The following NTM variants were observed in gnomAD, a reference collection of about 807,000 sequenced individuals.
NTM encodes neurotrimin, also known as IgLON family member 2.
Under a neutral mutation model 42.1 loss-of-function variants are expected in NTM, and 13 were observed. The ratio of observed to expected loss-of-function variants is 0.31; its 90% confidence interval spans 0.20 to 0.49. NTM has a LOEUF of 0.49. Ranked by LOEUF, NTM falls within the 20% of genes least tolerant of loss-of-function variation. The pLI, the probability that NTM is intolerant of heterozygous loss-of-function variation, is 0.99. For missense variants in NTM, 373 were observed against 452.8 expected (o/e 0.82, Z 1.60); for synonymous variants, 187 against 179.2 (o/e 1.04, Z -0.35).
intron 2 of NTM, among the ~76,000 whole-genome samples, chr11:131,945,279 A>C (rs560346149): frequency 6.6e-6 from 1 of 152,310 alleles, no homozygotes; most frequent in East Asian, 1.9e-4. Context: ...GTAGCACTTA[A>C]CGGTGCATTC....
At chr11:132,019,046 T>C (rs369094274) in intron 2 of NTM, among the ~76,000 whole-genome samples, 1 of 151,958 alleles carries the variant, frequency 6.6e-6, no homozygotes, top group East Asian at 1.9e-4. Flanking sequence ...TCTGAAAACG[T>C]AGAGTCTTTA....
In NTM at chr11:132,169,320, C is replaced by CTT. The variant is rs567723794; in HGVS notation, c.400+22837_400+22838dup. 5.6e-3 allele frequency among the ~76,000 whole-genome samples: 182 copies of CTT among 32,368 alleles called. 37 individuals are homozygous for CTT. Among genetic ancestry groups the CTT allele is most frequent in the African/African-American group, 0.017 (145 of 8,672 alleles). The allele number at this position is 32,368 out of a possible 152,430, so 21.2% of individuals were successfully genotyped here. A position where few individuals can be genotyped will look rare whatever the true frequency, so the allele number is the denominator to read the frequency against. ...GTGATATCTAGGTTTAATTTTTTTA[C>CTT]TTTTTTTTTTTTTTTTTTTTTTTTT... On this transcript the variant is annotated intron_variant, in intron 3 of 8. Transcript: ENST00000683400.
Position 132,067,721 on chromosome 11 carries a change from T to C in NTM, c.168-78561T>C, listed in dbSNP as rs543292999. On this transcript the variant is annotated intron_variant, in intron 2 of 8. Coordinates refer to ENST00000683400, the MANE Select transcript of NTM (RefSeq NM_001352005.2). Reference sequence around the variant, plus strand: ...CCCTGAGGCTAATTTCACTGCCCTCTGGGCCCATAGCTCTGCCTTCTGGCC... The same window carrying C: ...CCCTGAGGCTAATTTCACTGCCCTCCGGGCCCATAGCTCTGCCTTCTGGCC... Among the ~76,000 whole-genome samples, 3 of 152,352 alleles carry C rather than the reference T, an allele frequency of 2.0e-5. No homozygotes were observed. The South Asian group carries it at 6.2e-4, about 32-fold the overall frequency.
At chr11:131,595,289 C>T (rs546958434) in intron 1 of NTM, among the ~76,000 whole-genome samples, 2 of 152,264 alleles carry the variant, frequency 1.3e-5, no homozygotes, top group East Asian at 3.9e-4. Context: ...CCTCCACCAG[C>T]TGAAGGCAAC....
chr11:132,313,998 A>AT (rs1293806907), intron 6 of NTM, among the ~76,000 whole-genome samples: 2 of 152,106 alleles, frequency 1.3e-5, no homozygotes, highest in East Asian at 3.9e-4. Flanking sequence ...GAAAATGATG[A>AT]TTTTTCTCCT....
At chr11:131,555,274 A>G (rs2055254881) in intron 1 of NTM, among the ~76,000 whole-genome samples, 1 of 152,224 alleles carries the variant, frequency 6.6e-6, no homozygotes, top group South Asian at 2.1e-4. Flanking sequence ...GTGGCAAGAT[A>G]TATTTATACT....
At chr11:131,584,375 A>G (rs2058675101) in intron 1 of NTM, among the ~76,000 whole-genome samples, 1 of 152,170 alleles carries the variant, frequency 6.6e-6, no homozygotes, top group South Asian at 2.1e-4. Flanking sequence ...ACGAAGATTA[A>G]TTAGAAGCGC....
intron 4 of NTM, among the ~76,000 whole-genome samples, chr11:132,264,619 T>C (rs1220353744): frequency 6.6e-6 from 1 of 152,212 alleles, no homozygotes; most frequent in Non-Finnish European, 1.5e-5. Context: ...ATAAACCATC[T>C]TAAATCTCTT....
chr11:131,664,857 A>G (rs1353768147), intron 1 of NTM, among the ~76,000 whole-genome samples: 1 of 151,518 alleles, frequency 6.6e-6, no homozygotes, highest in Non-Finnish European at 1.5e-5. Context: ...AATGACAGAC[A>G]GAATAAAGGG....
intron 4 of NTM, among the ~76,000 whole-genome samples, chr11:132,231,365 A>G (rs2087518387): frequency 6.6e-6 from 1 of 152,224 alleles, no homozygotes; most frequent in South Asian, 2.1e-4. Flanking sequence ...CTAAGTTTCC[A>G]GTGGATTTCA....
At chr11:131,550,822 C>T (rs1441511841) in intron 1 of NTM, among the ~76,000 whole-genome samples, 2 of 151,980 alleles carry the variant, frequency 1.3e-5, no homozygotes, top group African/African-American at 4.8e-5. Flanking sequence ...GGCAATAGAG[C>T]AATACCCTGT....
chr11:131,810,837 G>C (rs1224974659), intron 1 of NTM, among the ~76,000 whole-genome samples: 3 of 152,140 alleles, frequency 2.0e-5, no homozygotes, highest in Admixed American at 2.0e-4. Context: ...GAATTTTCTT[G>C]GATTTCCCTG....
intron 3 of NTM, among the ~76,000 whole-genome samples, chr11:132,148,928 C>T (rs2071219464): frequency 6.6e-6 from 1 of 152,118 alleles, no homozygotes; most frequent in Non-Finnish European, 1.5e-5. Context: ...TAGGTGCCCT[C>T]TCGCATGACA....
intron 3 of NTM, among the ~76,000 whole-genome samples, chr11:132,166,426 C>G (rs2075290418): frequency 6.6e-6 from 1 of 152,140 alleles, no homozygotes; most frequent in African/African-American, 2.4e-5. Flanking sequence ...GGATTCTAAA[C>G]TACAAGGCTT....
At chr11:132,162,574 C>CGT (rs370805408) in intron 3 of NTM, among the ~76,000 whole-genome samples, 17 of 80,746 alleles carry the variant, frequency 2.1e-4, no homozygotes, top group Non-Finnish European at 2.6e-4. Context: ...TGGATGTGAT[C>CGT]GTGTGTGTGT....
chr11:131,598,852 CCTTCCTTCCTTCCTTCCTTCCTT>C (rs1565686618), intron 1 of NTM, among the ~76,000 whole-genome samples: 8 of 36,160 alleles, frequency 2.2e-4, no homozygotes, highest in African/African-American at 6.6e-4. Flanking sequence ...TTTCTTTCTT[CCTTCCTTCCTTCCTTCCTTCCTT>C]CTTCCTTCCT....
At chr11:131,724,887 G>A (rs558742213) in intron 1 of NTM, among the ~76,000 whole-genome samples, 3 of 152,306 alleles carry the variant, frequency 2.0e-5, no homozygotes, top group East Asian at 3.9e-4. Flanking sequence ...AATTATGGCT[G>A]GGCAAGGAAA....
chr11:131,813,542 A>G (rs1337963124), intron 1 of NTM, among the ~76,000 whole-genome samples: 1 of 152,088 alleles, frequency 6.6e-6, no homozygotes, highest in Non-Finnish European at 1.5e-5. Context: ...AACAAAAGAG[A>G]TATGTGAGCT....
intron 1 of NTM, among the ~76,000 whole-genome samples, chr11:131,462,536 C>T (rs1951482881): frequency 6.6e-6 from 1 of 152,204 alleles, no homozygotes; most frequent in Non-Finnish European, 1.5e-5. Context: ...GAATTCGGTT[C>T]AGCAGAGAAG....
Sources: gnomAD v4.1 joint callset for allele counts (sites outside exome capture counted in the v4.1 genomes callset) on GRCh38, gnomAD v4.1.1 for gene constraint, MANE v1.5 for transcripts, NCBI Gene and HGNC (gene_info 2026-07-23, HGNC 2026-07-21) for gene names.